Variants in MAP1S observed in about 807,000 individuals in gnomAD.
MAP1S encodes the protein microtubule associated protein 1S.
Under a neutral mutation model 60.9 loss-of-function variants are expected in MAP1S, and 27 were observed. The observed-to-expected ratio is 0.44, with a 90% CI of 0.33 to 0.61. The LOEUF (loss-of-function observed/expected upper bound fraction) is 0.61. Among genes scored for constraint, MAP1S ranks in the 20% least tolerant of loss-of-function variants. The pLI, the probability that MAP1S is intolerant of heterozygous loss-of-function variation, is 0.03. For missense variants in MAP1S, 1,608 were observed against 1,486.6 expected (o/e 1.08, Z -1.34); for synonymous variants, 826 against 694.2 (o/e 1.19, Z -2.98).
rs1437780473 is a variant in MAP1S, at chr19:17,726,428, G to A, written c.1044G>A (p.Leu348=). 4 of 1,563,060 alleles carry A rather than the reference G, an allele frequency of 2.6e-6. No individual in the cohort carries two copies. The highest frequency in any genetic ancestry group is 4.7e-5 in the East Asian group (2 of 42,948). ...ACGCCTGCGAGGCCGCGTCGCGGCT[G>A]GCGCGCGGCGAGGATGAGGCGGAGC... is the stretch of plus-strand genomic sequence containing the variant. ...FFNACEAASR[L]ARGEDEAELA... is the part of the protein sequence containing the mutation. Residue 348 remains leucine, a synonymous_variant, in exon 5 of 7, where the codon CTG becomes CTA. Coordinates refer to ENST00000324096, the MANE Select transcript of MAP1S (RefSeq NM_018174.6).
chr19:17,727,359 C>T lies in MAP1S; in HGVS notation c.1975C>T (p.Leu659=). The change falls in exon 5 of 7, where the codon CTG becomes TTG. Residue 659 remains leucine, a synonymous_variant. Transcript: ENST00000324096. The surrounding 1 kb of genome is among the most constrained non-coding windows in gnomAD (Gnocchi z 4.1). ...CAGCGAGCGGCTGTCGCTGAGCCCA[C>T]TGCGGGGCGGGGAGGCCGGGCCAGA... ...EGSERLSLSP[L]RGGEAGPDAS... 1 of 1,585,670 alleles carries T rather than the reference C, an allele frequency of 6.3e-7. No homozygotes were observed. Among genetic ancestry groups the T allele is most frequent in the African/African-American group, 1.3e-5 (1 of 74,364 alleles).
At chr19:17,734,220 C>T (rs1568297295) in intron 6 of MAP1S, 53 bp from the exon 7 acceptor site, 1 of 1,485,036 alleles carries the variant, frequency 6.7e-7, no homozygotes, top group Non-Finnish European at 9.3e-7. Context: ...GGGCAGGGGG[C>T]ACCCCCCTCA....
In MAP1S at chr19:17,726,111, T is replaced by G; in HGVS notation, c.727T>G (p.Cys243Gly). 6.2e-7 allele frequency: 1 copy of G among 1,613,986 alleles called. No individual in the cohort carries two copies. The highest frequency in any genetic ancestry group is 8.5e-7 in the Non-Finnish European group (1 of 1,179,950). ...GGFLRLGRPC[C>G]YIFPGGLGDA... ...CTTCCTCAGGCTGGGCCGGCCCTGC[T>G]GCTACATCTTCCCTGGAGGCCTCGG... The change falls in exon 5 of 7, where the codon TGC becomes GGC. Residue 243 changes from cysteine to glycine, a missense_variant. This residue lies in a region of MAP1S where 320 missense variants were observed against 393.1 expected (regional missense o/e 0.81). Coordinates refer to ENST00000324096, the MANE Select transcript of MAP1S (RefSeq NM_018174.6).
rs776100953 is a variant in MAP1S at position 17,727,543 on chromosome 19, C to T, written c.2159C>T (p.Pro720Leu). 7.5e-6 allele frequency: 12 copies of T among 1,609,216 alleles called. No individual in the cohort carries two copies. The highest frequency in any genetic ancestry group is 2.7e-5 in the African/African-American group (2 of 75,022). The change falls in exon 5 of 7, where the codon CCG becomes CTG. Residue 720 changes from proline (P) to leucine (L), a missense_variant. By Grantham distance (98) the Pro-to-Leu change is moderately conservative (BLOSUM62 -3). Around this residue, in one of 4 missense-constraint regions of MAP1S, gnomAD observed 1,167 missense variants for 961.4 expected, o/e 1.21. Coordinates refer to ENST00000324096, the MANE Select transcript of MAP1S (RefSeq NM_018174.6). This position sits in a 1 kb window ranked among gnomAD's most constrained non-coding sequence, Gnocchi z 4.1. ...APTSEAGLSL[P>L]LRGPRARRSA... ...ACCAGTGAGGCTGGGCTGAGCCTCC[C>T]GCTGCGTGGCCCCCGGGCGCGGCGC...
At chr19:17,728,585 C>T (rs2080465081) in intron 5 of MAP1S, among the ~76,000 whole-genome samples, 1 of 150,040 alleles carries the variant, frequency 6.7e-6, no homozygotes, top group Non-Finnish European at 1.5e-5. Flanking sequence ...GACAGAATTT[C>T]GTTCTTGTTG....
intron 5 of MAP1S, among the ~76,000 whole-genome samples, chr19:17,729,398 AG>A (rs1309486105): frequency 6.6e-6 from 1 of 152,230 alleles, no homozygotes; most frequent in Non-Finnish European, 1.5e-5. Flanking sequence ...CCTCTCAGAC[AG>A]GGAATGGTGG....
Position 17,726,969 on chromosome 19 carries a change from C to G in MAP1S, c.1585C>G (p.Pro529Ala), listed in dbSNP as rs750622563. Residue 529 changes from proline to alanine, a missense_variant, in exon 5 of 7, where the codon CCC (proline) becomes GCC (alanine). Coordinates refer to ENST00000324096, the MANE Select transcript of MAP1S (RefSeq NM_018174.6). ...AKTPRELKKD[P>A]KPSVSRTQPR... Reference sequence around the variant, plus strand: ...GACCCCCCGGGAGTTGAAGAAAGACCCCAAACCGAGTGTCTCCCGGACCCA... The same window carrying G: ...GACCCCCCGGGAGTTGAAGAAAGACGCCAAACCGAGTGTCTCCCGGACCCA... 3 of 1,574,740 alleles carry G rather than the reference C, an allele frequency of 1.9e-6. No homozygotes were observed. Among genetic ancestry groups the G allele is most frequent in the South Asian group, 1.2e-5 (1 of 86,148 alleles).
intron 5 of MAP1S, 70 bp downstream of exon 5, chr19:17,728,242 CT>C: frequency 6.9e-7 from 1 of 1,456,352 alleles, no homozygotes. Flanking sequence ...GCTCGTCCCC[CT>C]GTTTTTACAT....
chr19:17,720,166 C>T (rs55752165), intron 1 of MAP1S: 715,167 of 1,332,516 alleles, frequency 0.54, 198,013 homozygotes, highest in African/African-American at 0.7. Context: ...GAGTCATAGG[C>T]GCACCTGCCA....
chr19:17,726,601 A>T lies in MAP1S; in HGVS notation c.1217A>T (p.Glu406Val). The stretch of plus-strand genomic sequence containing the variant: ...CTGCACCCGCCCTCCGCCGGCGCCG[A>T]GCGCACGCTGGCCTCTGTGTGCGCC... Reference protein sequence around the residue: ...YVLHPPSAGAERTLASVCALL... With the variant: ...YVLHPPSAGAVRTLASVCALL... Residue 406 changes from glutamate (E) to valine (V), a missense_variant, in exon 5 of 7, where the codon GAG (glutamate) becomes GTG (valine). Around this residue, in one of 4 missense-constraint regions of MAP1S, gnomAD observed 1,167 missense variants for 961.4 expected, o/e 1.21. Coordinates refer to ENST00000324096, the MANE Select transcript of MAP1S (RefSeq NM_018174.6). 1 of 1,570,962 alleles carries T rather than the reference A, an allele frequency of 6.4e-7. No individual in the cohort carries two copies. The highest frequency in any genetic ancestry group is 2.3e-5 in the East Asian group (1 of 42,930).
chr19:17,720,546 A>C (rs1381041070), intron 1 of MAP1S: 1 of 1,458,928 alleles, frequency 6.9e-7, no homozygotes, highest in Admixed American at 2.5e-5. Context: ...CAGTCTTAGC[A>C]CCCGAAGGTG....
In MAP1S at chr19:17,727,791, G is replaced by T. The variant is rs749953431; in HGVS notation, c.2407G>T (p.Ala803Ser). 9 of 1,611,794 alleles carry T rather than the reference G, an allele frequency of 5.6e-6. No homozygotes were observed. Among genetic ancestry groups the T allele is most frequent in the South Asian group, 1.1e-5 (1 of 90,850 alleles). Residue 803 changes from alanine to serine, a missense_variant, in exon 5 of 7, where the codon GCC becomes TCC. By Grantham distance (99) the Ala-to-Ser change is moderately conservative. Transcript: ENST00000324096. The surrounding 1 kb of genome is among the most constrained non-coding windows in gnomAD (Gnocchi z 4.1). ...TLSDSDPVPL[A>S]PGAADSDEDT... ...GTCTGACTCGGATCCCGTGCCCCTG[G>T]CCCCCGGTGCGGCAGACTCAGACGA...
At position 17,727,386 on chromosome 19, in the gene MAP1S, G is replaced by GCCTCACCCACAGTGA. The variant is rs1158298191; in HGVS notation, c.2005_2019dup (p.Ser669_Thr673dup). On this transcript the variant is annotated inframe_insertion, in exon 5 of 7. Coordinates refer to ENST00000324096, the MANE Select transcript of MAP1S (RefSeq NM_018174.6). This position sits in a 1 kb window ranked among gnomAD's most constrained non-coding sequence, Gnocchi z 4.1. ...GCGGGGCGGGGAGGCCGGGCCAGAC[G>GCCTCACCCACAGTGA]CCTCACCCACAGTGACCACACCCAC... The GCCTCACCCACAGTGA allele has an allele frequency of 3.0e-5, 47 of 1,592,940 alleles. No homozygotes were observed. Among genetic ancestry groups the GCCTCACCCACAGTGA allele is most frequent in the Non-Finnish European group, 3.8e-5 (45 of 1,171,118 alleles).
chr19:17,731,620 A>G (rs1007800459), intron 5 of MAP1S, among the ~76,000 whole-genome samples: 1 of 152,288 alleles, frequency 6.6e-6, no homozygotes, highest in East Asian at 1.9e-4. Context: ...TAGAAATTCA[A>G]CTGTGTTTTG....
chr19:17,724,860 T>G (rs2080402846), intron 3 of MAP1S, among the ~76,000 whole-genome samples, 189 bp from the exon 4 acceptor site: 1 of 151,954 alleles, frequency 6.6e-6, no homozygotes, highest in Non-Finnish European at 1.5e-5. Context: ...GAATAGGAGT[T>G]TGCTAGGGTT....
Position 17,727,683 on chromosome 19 carries a change from A to C in MAP1S, c.2299A>C (p.Ser767Arg). ...PASPGSSNDSSARSQERAGGL... is the reference protein window; with the variant it reads ...PASPGSSNDSRARSQERAGGL... ...GTCCCCCGGCAGCTCGAATGACAGC[A>C]GTGCCCGGTCACAGGAACGGGCAGG... The change falls in exon 5 of 7, where the codon AGT becomes CGT. Residue 767 changes from serine to arginine, a missense_variant. Physicochemically the swap from Ser to Arg is moderately radical, Grantham distance 110 (BLOSUM62 -1). Coordinates refer to ENST00000324096, the MANE Select transcript of MAP1S (RefSeq NM_018174.6). This position sits in a 1 kb window ranked among gnomAD's most constrained non-coding sequence, Gnocchi z 4.1. 6.2e-7 allele frequency: 1 copy of C among 1,609,730 alleles called. No individual in the cohort carries two copies. The highest frequency in any genetic ancestry group is 8.5e-7 in the Non-Finnish European group (1 of 1,179,480).
In MAP1S at chr19:17,734,313, C is replaced by G; in HGVS notation, c.3065C>G (p.Thr1022Arg). The change falls in exon 7 of 7, where the codon ACG (threonine) becomes AGG (arginine). Residue 1022 changes from threonine to arginine, a missense_variant. Coordinates refer to ENST00000324096, the MANE Select transcript of MAP1S (RefSeq NM_018174.6). ...IPTFDSVAMHTWYAETHARHQ... is the reference protein window; with the variant it reads ...IPTFDSVAMHRWYAETHARHQ... ...ACTTTCGACTCGGTGGCCATGCATA[C>G]GTGGTACGCAGAGACGCACGCCCGG... 3.1e-6 allele frequency: 5 copies of G among 1,613,846 alleles called. No homozygotes were observed. The highest frequency in any genetic ancestry group is 4.2e-6 in the Non-Finnish European group (5 of 1,179,894).
chr19:17,733,742 G>C (rs557881276), intron 6 of MAP1S, among the ~76,000 whole-genome samples: 3 of 152,228 alleles, frequency 2.0e-5, no homozygotes, highest in Non-Finnish European at 4.4e-5. Context: ...TGGAATAGGT[G>C]GGCTGGGTGG....
chr19:17,727,788 CT>C lies in MAP1S; in HGVS notation c.2405del (p.Leu802ArgfsTer208). 7 of 1,611,986 alleles carry C rather than the reference CT, an allele frequency of 4.3e-6. No homozygotes were observed. Among genetic ancestry groups the C allele is most frequent in the Non-Finnish European group, 5.9e-6 (7 of 1,179,226 alleles). On this transcript the variant is annotated frameshift_variant, in exon 5 of 7. Transcript: ENST00000324096. LOFTEE classifies it high-confidence loss of function. The surrounding 1 kb of genome is among the most constrained non-coding windows in gnomAD (Gnocchi z 4.1). ...CCTGTCTGACTCGGATCCCGTGCCC[CT>C]GGCCCCCGGTGCGGCAGACTCAGAC... ...PTLSDSDPVP[L>X]APGAADSDED...
Sources: gnomAD v4.1 joint callset for allele counts (sites outside exome capture counted in the v4.1 genomes callset) on GRCh38, gnomAD v4.1.1 for gene constraint, gnomAD v4.1.1 regional missense constraint, Gnocchi (gnomAD v3.1) non-coding constraint, MANE v1.5 for transcripts, NCBI Gene and HGNC (gene_info 2026-07-23, HGNC 2026-07-21) for gene names.